CHST9: variants seen among roughly 807,000 people sequenced by gnomAD.
CHST9 encodes the protein carbohydrate sulfotransferase 9.
A neutral mutation model predicts 44.4 loss-of-function variants in CHST9; 41 were observed. That is an observed-to-expected ratio of 0.92 (90% CI 0.72 to 1.20). CHST9 has a LOEUF of 1.20. CHST9 is among the 50% of genes most tolerant of loss of function. The pLI is 0.00. For missense variants in CHST9, 504 were observed against 516.5 expected, an observed-to-expected ratio of 0.98 and a Z score of 0.23; for synonymous variants, 171 against 178.4, an observed-to-expected ratio of 0.96 and a Z score of 0.33.
chr18:27,150,142 G>C (rs1223243510), intron 1 of CHST9, among the ~76,000 whole-genome samples: 1 of 128,286 alleles, frequency 7.8e-6, no homozygotes, highest in South Asian at 2.5e-4. Flanking sequence ...TTTTCTCTTT[G>C]TCACTTCCTT....
chr18:27,042,962 A>G, intron 3 of CHST9, among the ~76,000 whole-genome samples: 1 of 152,000 alleles, frequency 6.6e-6, no homozygotes, highest in East Asian at 1.9e-4. Context: ...TGATGAGTAG[A>G]TATCTCCCTG....
At chr18:26,979,271 G>C (rs1230654290) in intron 4 of CHST9, among the ~76,000 whole-genome samples, 2 of 151,984 alleles carry the variant, frequency 1.3e-5, no homozygotes, top group Non-Finnish European at 2.9e-5. Context: ...TTTGGGGGAG[G>C]CCAAAAAGGA....
At chr18:27,025,160 A>G (rs1312366453) in intron 3 of CHST9, among the ~76,000 whole-genome samples, 1 of 148,190 alleles carries the variant, frequency 6.7e-6, no homozygotes, top group African/African-American at 2.4e-5. Context: ...TGAAATATAT[A>G]TTATATAATA....
intron 2 of CHST9, among the ~76,000 whole-genome samples, chr18:27,138,174 T>C (rs779188258): frequency 2.9e-4 from 44 of 152,238 alleles, no homozygotes; most frequent in Non-Finnish European, 5.9e-4. Flanking sequence ...TGGCTTGGCC[T>C]GGACTCAGGA....
intron 4 of CHST9, among the ~76,000 whole-genome samples, chr18:27,018,270 G>A (rs536071685): frequency 8.6e-4 from 131 of 152,248 alleles, no homozygotes; most frequent in African/African-American, 3.0e-3. Context: ...AGATTACTCC[G>A]AACCTCAATG....
intron 4 of CHST9, among the ~76,000 whole-genome samples, chr18:26,979,162 C>G (rs1165786512): frequency 6.6e-6 from 1 of 152,000 alleles, no homozygotes. Context: ...ATAAATAGCT[C>G]TCTTCTAAAA....
At chr18:27,087,436 T>C (rs1224519443) in intron 2 of CHST9, among the ~76,000 whole-genome samples, 1 of 152,200 alleles carries the variant, frequency 6.6e-6, no homozygotes, top group Non-Finnish European at 1.5e-5. Flanking sequence ...TTTGCCCTTT[T>C]GGATGGTTTC....
chr18:27,157,990 T>G (rs1409056215), intron 1 of CHST9, among the ~76,000 whole-genome samples: 2 of 152,102 alleles, frequency 1.3e-5, no homozygotes, highest in African/African-American at 4.8e-5. Flanking sequence ...CTCTACTCCC[T>G]CATCAAACCT....
Position 26,944,344 on chromosome 18 carries a change from T to A in CHST9, c.225A>T (p.Glu75Asp). 4.4e-6 allele frequency: 7 copies of A among 1,609,020 alleles called. No individual in the cohort carries two copies. The highest frequency in any genetic ancestry group is 6.0e-6 in the Non-Finnish European group (7 of 1,175,926). ...PRIMSTEKIQ[E>D]HITNQNPKFH... ...GAGAGAATACCTGGTTGGTGATATG[T>A]TCCTGGATTTTTTCTGTACTCACTG... Residue 75 changes from glutamate (E) to aspartate (D), a missense_variant, in exon 5 of 6, where the codon GAA becomes GAT. Physicochemically the swap from Glu to Asp is conservative, Grantham distance 45. Transcript: ENST00000618847.
intron 4 of CHST9, among the ~76,000 whole-genome samples, chr18:27,018,943 T>C (rs1245005040): frequency 6.6e-6 from 1 of 152,178 alleles, no homozygotes. Context: ...TCTAACACCA[T>C]AGCACCTTCT....
intron 1 of CHST9, among the ~76,000 whole-genome samples, chr18:27,146,171 T>A (rs374701412): frequency 2.6e-5 from 4 of 152,246 alleles, no homozygotes; most frequent in South Asian, 4.1e-4. Context: ...TTACCTACGA[T>A]GCTGGAAAAA....
chr18:27,035,732 C>A (rs577263159), intron 3 of CHST9, among the ~76,000 whole-genome samples: 1 of 152,000 alleles, frequency 6.6e-6, no homozygotes, highest in Non-Finnish European at 1.5e-5. Flanking sequence ...CTCAATTATA[C>A]GTATAATCTA....
intron 2 of CHST9, among the ~76,000 whole-genome samples, chr18:27,083,001 C>T (rs1199094374): frequency 6.6e-6 from 1 of 152,070 alleles, no homozygotes; most frequent in Non-Finnish European, 1.5e-5. Flanking sequence ...TATTAAAGTA[C>T]AGGGTATTGC....
chr18:26,939,747 C>T (rs80312665), intron 5 of CHST9, among the ~76,000 whole-genome samples: 3,490 of 152,224 alleles, frequency 0.023, 132 homozygotes, highest in African/African-American at 0.08. Context: ...GGAAACAGGA[C>T]GGACCCTGGA....
chr18:27,080,239 T>C (rs2057946826), intron 2 of CHST9, among the ~76,000 whole-genome samples: 1 of 152,030 alleles, frequency 6.6e-6, no homozygotes, highest in Non-Finnish European at 1.5e-5. Flanking sequence ...AGATGGGTCA[T>C]TAACTGACCA....
At chr18:27,052,418 T>C (rs1411929206) in intron 2 of CHST9, among the ~76,000 whole-genome samples, 1 of 152,128 alleles carries the variant, frequency 6.6e-6, no homozygotes, top group Non-Finnish European at 1.5e-5. Context: ...AGTACTATAT[T>C]GATCCATGGA....
intron 2 of CHST9, among the ~76,000 whole-genome samples, chr18:27,073,396 G>A (rs1177023132): frequency 8.0e-6 from 1 of 124,844 alleles, no homozygotes; most frequent in African/African-American, 3.0e-5. Flanking sequence ...GCGCCCAGCT[G>A]ATGGGGGTGG....
intron 1 of CHST9, among the ~76,000 whole-genome samples, chr18:27,176,699 A>G (rs776167899): frequency 6.6e-6 from 1 of 152,028 alleles, no homozygotes; most frequent in East Asian, 1.9e-4. Flanking sequence ...TGCATTAAAT[A>G]TATATCAATA....
intron 2 of CHST9, among the ~76,000 whole-genome samples, chr18:27,062,571 T>G (rs530515211): frequency 6.6e-6 from 1 of 152,336 alleles, no homozygotes; most frequent in East Asian, 1.9e-4. Flanking sequence ...TGTTGGACAT[T>G]TGGGTTGGTT....
Sources: gnomAD v4.1 joint callset for allele counts (sites outside exome capture counted in the v4.1 genomes callset) on GRCh38, gnomAD v4.1.1 for gene constraint, MANE v1.5 for transcripts, NCBI Gene and HGNC (gene_info 2026-07-23, HGNC 2026-07-21) for gene names.